Variants in SIGLEC6 observed in about 807,000 individuals in gnomAD.
SIGLEC6 encodes the protein sialic acid-binding Ig-like lectin 6.
In SIGLEC6, 31 loss-of-function variants were observed where a neutral mutation model predicts 41.4. The ratio of observed to expected loss-of-function variants is 0.75; its 90% confidence interval spans 0.56 to 1.01. The LOEUF (loss-of-function observed/expected upper bound fraction) is 1.01. Among genes scored for constraint, SIGLEC6 ranks in the 50% least tolerant of loss-of-function variants. The probability of loss-of-function intolerance (pLI) is 0.00; values close to 1 mark genes in which losing one functional copy is unlikely to be tolerated. For synonymous variants in SIGLEC6, 217 were observed against 231.0 expected (o/e 0.94, Z 0.55); for missense variants, 555 against 558.6 (o/e 0.99, Z 0.06).
At chr19:51,530,533 A>G (rs1568556209) in intron 3 of SIGLEC6, 49 bp from the exon 4 acceptor site, 1 of 1,612,130 alleles carries the variant, frequency 6.2e-7, no homozygotes, top group Non-Finnish European at 8.5e-7. Context: ...GAGGGATGGT[A>G]GGCATGGGGC....
Position 51,519,867 on chromosome 19 carries a change from G to T in SIGLEC6, c.*215C>A. 1 of 324,112 alleles carries T rather than the reference G, an allele frequency of 3.1e-6. No individual in the cohort carries two copies. The highest frequency in any genetic ancestry group is 4.6e-5 in the Admixed American group (1 of 21,664). The allele number at this position is 324,112 out of a possible 1,614,324, so 20.1% of individuals were successfully genotyped here. On this transcript the variant is annotated 3_prime_UTR_variant, in exon 8 of 8. Transcript: ENST00000425629. ...AAAGACCATGTGAAGACACAAGGAG[G>T]AGACAGCCATCTACAAGCCAACAAG...
intron 7 of SIGLEC6, among the ~76,000 whole-genome samples, chr19:51,520,957 TC>T (rs1460653769): frequency 6.6e-6 from 1 of 152,156 alleles, no homozygotes; most frequent in Non-Finnish European, 1.5e-5. Context: ...GCAGACACAG[TC>T]CCAGATAGTA....
At chr19:51,525,587 C>A (rs1475893120) in intron 7 of SIGLEC6, among the ~76,000 whole-genome samples, 1 of 152,190 alleles carries the variant, frequency 6.6e-6, no homozygotes, top group East Asian at 1.9e-4. Flanking sequence ...CCCACAGGCT[C>A]TTTGCCATTG....
rs1980433469 is a variant in SIGLEC6, at chr19:51,531,654, G to T, written c.-6C>A. On this transcript the variant is annotated 5_prime_UTR_variant, in exon 1 of 8. It adds an upstream start codon to the 5' untranslated region. Coordinates refer to ENST00000425629, the MANE Select transcript of SIGLEC6 (RefSeq NM_001245.7). The stretch of plus-strand genomic sequence containing the variant: ...GCTTCCTGGGCTCCCTGCATGAGCA[G>T]AGAAGGGGAAGGGAGTGGAGGGGAA... The T allele has an allele frequency of 1.3e-6, 2 of 1,596,080 alleles. No individual in the cohort carries two copies. Among genetic ancestry groups the T allele is most frequent in the Non-Finnish European group, 1.7e-6 (2 of 1,171,460 alleles).
At chr19:51,524,242 A>C (rs1473740391) in intron 7 of SIGLEC6, among the ~76,000 whole-genome samples, 1 of 152,272 alleles carries the variant, frequency 6.6e-6, no homozygotes, top group Non-Finnish European at 1.5e-5. Flanking sequence ...TCTGTAAGAC[A>C]GACACAATAC....
intron 5 of SIGLEC6, chr19:51,529,467 A>T: frequency 3.9e-6 from 2 of 512,448 alleles, no homozygotes; most frequent in East Asian, 7.0e-5. Context: ...GCTGTTGACC[A>T]AGGGTCCGGC....
rs1262607537 is a variant in SIGLEC6, at chr19:51,520,136, A to C, written c.1308T>G (p.Pro436=). 6.2e-7 allele frequency: 1 copy of C among 1,600,412 alleles called. No individual in the cohort carries two copies. The highest frequency in any genetic ancestry group is 2.2e-5 in the East Asian group (1 of 44,562). Reference sequence around the variant, plus strand: ...CAGTGTCGGTGACCTTTGGTTCCTGAGGTTGCACCTTGTGGAAGTGTAGGA... The same window carrying C: ...CAGTGTCGGTGACCTTTGGTTCCTGCGGTTGCACCTTGTGGAAGTGTAGGA... ...YAVLHFHKVQ[P]QEPKVTDTEY... The change falls in exon 8 of 8, where the codon CCT becomes CCG. Residue 436 remains proline, a synonymous_variant. Coordinates refer to ENST00000425629, the MANE Select transcript of SIGLEC6 (RefSeq NM_001245.7).
rs1036770545 is a variant in SIGLEC6, at chr19:51,528,191, G to A, written c.1075C>T (p.Leu359=). ...ATGAAGCAAACACAGAGGAAAACCAGGGTTGTGATGCTAGCTCCCCAGACT... is the reference window on the plus strand; with the variant it reads ...ATGAAGCAAACACAGAGGAAAACCAAGGTTGTGATGCTAGCTCCCCAGACT... ...GAVWGASITT[L]VFLCVCFIFR... Residue 359 remains leucine (L), a synonymous_variant, in exon 6 of 8, where the codon CTG becomes TTG. Transcript: ENST00000425629. 1.2e-6 allele frequency: 2 copies of A among 1,614,148 alleles called. No homozygotes were observed. The highest frequency in any genetic ancestry group is 1.7e-6 in the Non-Finnish European group (2 of 1,180,010).
chr19:51,527,899 C>G (rs2290659), intron 6 of SIGLEC6, 71 bp from the exon 7 acceptor site: 99,094 of 1,444,574 alleles, frequency 0.069, 3,936 homozygotes, highest in East Asian at 0.12. Flanking sequence ...AACCATCTCC[C>G]CACTCCCTAT....
chr19:51,526,571 G>A (rs1979267180), intron 7 of SIGLEC6, among the ~76,000 whole-genome samples: 1 of 152,152 alleles, frequency 6.6e-6, no homozygotes, highest in South Asian at 2.1e-4. Flanking sequence ...GCACAAGTAA[G>A]GGAACATGAG....
In SIGLEC6 at chr19:51,530,863, C is replaced by G. The variant is rs1980179978; in HGVS notation, c.524G>C (p.Gly175Ala). The change falls in exon 3 of 8, where the codon GGG becomes GCG. Residue 175 changes from glycine to alanine, a missense_variant. Gly to Ala is a moderately conservative substitution (Grantham distance 60, BLOSUM62 0). Transcript: ENST00000425629. Reference sequence around the variant, plus strand: ...CATCCAGGAGAAGATGGGGGGCGTCCCCTGCTCACAGACCCAGGGCACAGA... The same window carrying G: ...CATCCAGGAGAAGATGGGGGGCGTCGCCTGCTCACAGACCCAGGGCACAGA... Reference protein sequence around the residue: ...TCSVPWVCEQGTPPIFSWMSA... With the variant: ...TCSVPWVCEQATPPIFSWMSA... 6.2e-7 allele frequency: 1 copy of G among 1,613,858 alleles called. No individual in the cohort carries two copies. The highest frequency in any genetic ancestry group is 8.5e-7 in the Non-Finnish European group (1 of 1,179,982).
In SIGLEC6 at chr19:51,531,108, C is replaced by T. The variant is rs1231519376; in HGVS notation, c.427+52G>A. ...ACGGGGCTCCCGTCCCAGCCCTGCC[C>T]TACGGCCCCCATGACCTTCCCCTGT... On this transcript the variant is annotated intron_variant, in intron 2 of 7. Coordinates refer to ENST00000425629, the MANE Select transcript of SIGLEC6 (RefSeq NM_001245.7). The T allele has an allele frequency of 2.6e-6, 4 of 1,554,144 alleles. No homozygotes were observed. In the African/African-American group the frequency reaches 5.5e-5, roughly 21 times the overall value.
rs1047922699 is a variant in SIGLEC6, at chr19:51,530,941, T to A, written c.446A>T (p.Asn149Ile). Reference sequence around the variant, plus strand: ...CTCCAGGGTCCCTGGGATGGAGATGTTGGGCCTGTGGGTCAGGGCTGGTGA... The same window carrying A: ...CTCCAGGGTCCCTGGGATGGAGATGATGGGCCTGTGGGTCAGGGCTGGTGA... Reference protein sequence around the residue: ...VRVMALTHRPNISIPGTLESG... With the variant: ...VRVMALTHRPIISIPGTLESG... Residue 149 changes from asparagine to isoleucine, a missense_variant, in exon 3 of 8, where the codon AAC (asparagine) becomes ATC (isoleucine). Asn to Ile is a moderately radical substitution (Grantham distance 149). Coordinates refer to ENST00000425629, the MANE Select transcript of SIGLEC6 (RefSeq NM_001245.7). The A allele has an allele frequency of 2.5e-5, 40 of 1,612,324 alleles. No individual in the cohort carries two copies. The highest frequency in any genetic ancestry group is 1.7e-4 in the Middle Eastern group (1 of 6,058).
Position 51,520,009 on chromosome 19 carries a change from G to T in SIGLEC6, c.*73C>A. 1 of 1,282,482 alleles carries T rather than the reference G, an allele frequency of 7.8e-7. No homozygotes were observed. Among genetic ancestry groups the T allele is most frequent in the Non-Finnish European group, 1.1e-6 (1 of 943,660 alleles). The allele number at this position is 1,282,482 out of a possible 1,614,324, so 79.4% of individuals were successfully genotyped here. A position where few individuals can be genotyped will look rare whatever the true frequency, so the allele number is the denominator to read the frequency against. On this transcript the variant is annotated 3_prime_UTR_variant, in exon 8 of 8. Coordinates refer to ENST00000425629, the MANE Select transcript of SIGLEC6 (RefSeq NM_001245.7). Reference sequence around the variant, plus strand: ...CACTCGGTTTGTGGTACATTGCTGTGGCAGCCCTAGTAACCAATACACTGA... The same window carrying T: ...CACTCGGTTTGTGGTACATTGCTGTTGCAGCCCTAGTAACCAATACACTGA...
At position 51,529,973 on chromosome 19, in the gene SIGLEC6, T is replaced by G. The variant is rs987915568; in HGVS notation, c.763A>C (p.Ile255Leu). ...IFQGNSAAFK[I>L]LQNTSSLPVL... is the part of the protein sequence containing the mutation. ...GGGAGGGACGAGGTGTTTTGCAGGA[T>G]TTTGAAGGCTTTGGGGAGAGAGGTG... The change falls in exon 5 of 8, where the codon ATC becomes CTC. Residue 255 changes from isoleucine (I) to leucine (L), a missense_variant. By Grantham distance (5) the Ile-to-Leu change is conservative (BLOSUM62 2). Coordinates refer to ENST00000425629, the MANE Select transcript of SIGLEC6 (RefSeq NM_001245.7). 1.3e-6 allele frequency: 2 copies of G among 1,590,042 alleles called. No homozygotes were observed. Among genetic ancestry groups the G allele is most frequent in the East Asian group, 2.2e-5 (1 of 44,658 alleles).
intron 7 of SIGLEC6, among the ~76,000 whole-genome samples, 183 bp downstream of exon 7, chr19:51,527,563 TG>T (rs1979445718): frequency 6.6e-6 from 1 of 152,230 alleles, no homozygotes; most frequent in South Asian, 2.1e-4. Flanking sequence ...CAGTTCCAAA[TG>T]TTACTATTTT....
intron 5 of SIGLEC6, among the ~76,000 whole-genome samples, chr19:51,528,917 G>T (rs1979696055): frequency 1.4e-5 from 2 of 145,244 alleles, no homozygotes; most frequent in South Asian, 4.4e-4. Context: ...GGAGGTGGAG[G>T]TTGCATATGT....
At chr19:51,531,129 C>T (rs1417063578) in intron 2 of SIGLEC6, 31 bp downstream of exon 2, 4 of 1,563,104 alleles carry the variant, frequency 2.6e-6, no homozygotes, top group East Asian at 2.2e-5. Context: ...ATGACCTTCC[C>T]CTGTGGCTAG....
intron 7 of SIGLEC6, among the ~76,000 whole-genome samples, chr19:51,525,006 C>T (rs1351401970): frequency 1.3e-5 from 2 of 152,188 alleles, no homozygotes; most frequent in Non-Finnish European, 2.9e-5. Context: ...TGTGCGGAGT[C>T]TGGGCAGGGC....
Sources: allele counts gnomAD v4.1 joint callset (sites outside exome capture counted in the v4.1 genomes callset), GRCh38; gene constraint gnomAD v4.1.1; transcripts MANE v1.5; gene names NCBI Gene and HGNC (gene_info 2026-07-23, HGNC 2026-07-21).